Variants in MYT1L observed in about 807,000 individuals in gnomAD.
MYT1L encodes myelin transcription factor 1 like.
Under a neutral mutation model 126.7 loss-of-function variants are expected in MYT1L, and 12 were observed. That is an observed-to-expected ratio of 0.09 (90% CI 0.06 to 0.15). The LOEUF (loss-of-function observed/expected upper bound fraction) is 0.15. Ranked by LOEUF, MYT1L falls within the 10% of genes least tolerant of loss-of-function variation. The pLI, the probability that MYT1L is intolerant of heterozygous loss-of-function variation, is 1.00. For synonymous variants in MYT1L, 541 were observed against 604.2 expected (o/e 0.90, Z 1.53); for missense variants, 979 against 1,585.2 (o/e 0.62, Z 6.49).
chr2:2,311,401 A>G (rs2095968400), intron 1 of MYT1L, among the ~76,000 whole-genome samples: 1 of 152,206 alleles, frequency 6.6e-6, no homozygotes, highest in African/African-American at 2.4e-5. Flanking sequence ...AACATTCTCC[A>G]GTTCTCCTTA....
At chr2:2,146,419 G>A (rs1305047328) in intron 3 of MYT1L, among the ~76,000 whole-genome samples, 1 of 152,186 alleles carries the variant, frequency 6.6e-6, no homozygotes, top group African/African-American at 2.4e-5. Context: ...AGAAGTGAGT[G>A]TGGGTGGTAA....
At chr2:2,011,961 G>A (rs991200853) in intron 4 of MYT1L, among the ~76,000 whole-genome samples, 1 of 152,184 alleles carries the variant, frequency 6.6e-6, no homozygotes, top group African/African-American at 2.4e-5. Context: ...AAGGGAATCA[G>A]AACATGCCTA....
intron 15 of MYT1L, among the ~76,000 whole-genome samples, chr2:1,891,800 A>G (rs1288109861): frequency 6.6e-6 from 1 of 152,340 alleles, no homozygotes; most frequent in Non-Finnish European, 1.5e-5. Flanking sequence ...ACGCACGTTC[A>G]TCTACAAGAT....
At chr2:2,065,292 T>A (rs2071083727) in intron 3 of MYT1L, among the ~76,000 whole-genome samples, 1 of 152,110 alleles carries the variant, frequency 6.6e-6, no homozygotes. Context: ...AATCAAAGAT[T>A]AAAAAAATTT....
intron 8 of MYT1L, among the ~76,000 whole-genome samples, chr2:1,963,873 G>T (rs1409663408): frequency 6.6e-6 from 1 of 152,142 alleles, no homozygotes; most frequent in Non-Finnish European, 1.5e-5. Context: ...TCAGCAATAG[G>T]CTCTCTCACT....
intron 8 of MYT1L, among the ~76,000 whole-genome samples, chr2:1,976,455 A>T (rs1167552302): frequency 6.6e-6 from 1 of 152,176 alleles, no homozygotes; most frequent in Non-Finnish European, 1.5e-5. Context: ...CAGCCTGGCC[A>T]ATGTGGTGAA....
intron 3 of MYT1L, among the ~76,000 whole-genome samples, chr2:2,123,669 A>G (rs954416779): frequency 2.6e-5 from 4 of 152,146 alleles, no homozygotes; most frequent in African/African-American, 9.7e-5. Flanking sequence ...TGCTTCCTGT[A>G]CAGCCTGTGG....
In MYT1L at chr2:1,942,975, A is replaced by G; in HGVS notation, c.505+7T>C. 6.6e-7 allele frequency: 1 copy of G among 1,523,086 alleles called. No homozygotes were observed. The highest frequency in any genetic ancestry group is 8.8e-7 in the Non-Finnish European group (1 of 1,132,052). 94.3% of individuals were successfully genotyped at this position (1,523,086 alleles called of 1,614,324 possible). A position where few individuals can be genotyped will look rare whatever the true frequency, so the allele number is the denominator to read the frequency against. On this transcript the variant is annotated splice_region_variant and intron_variant, in intron 9 of 24. Transcript: ENST00000647738. ...ACTTGTTACTTTGCTAATATTTTAAAGATTACCGTTTTCTTCTTCCTCTTC... is the reference window on the plus strand; with the variant it reads ...ACTTGTTACTTTGCTAATATTTTAAGGATTACCGTTTTCTTCTTCCTCTTC...
intron 2 of MYT1L, among the ~76,000 whole-genome samples, chr2:2,231,573 G>A (rs964637708): frequency 4.6e-5 from 7 of 151,360 alleles, no homozygotes; most frequent in African/African-American, 1.2e-4. Flanking sequence ...TCAGCCTCCC[G>A]AGTAGCTGGC....
chr2:1,880,455 A>C lies in MYT1L; in HGVS notation c.2711+6084T>G, dbSNP rs545696641. Among the ~76,000 whole-genome samples the C allele has an allele frequency of 2.0e-4, 31 of 152,296 alleles. No individual in the cohort carries two copies. The South Asian group carries it at 6.4e-3, about 32-fold the overall frequency. On this transcript the variant is annotated intron_variant, in intron 18 of 24. Transcript: ENST00000647738. ...CGGGTTCCAGTGATTCTTGTGCCTC[A>C]GCCTCCTGAGTAGCTAGAACACTTT...
At chr2:1,920,329 G>A (rs899307767) in intron 10 of MYT1L, among the ~76,000 whole-genome samples, 5 of 152,090 alleles carry the variant, frequency 3.3e-5, no homozygotes, top group African/African-American at 1.2e-4. Context: ...AAAACAAAAC[G>A]AGTCAAAATT....
intron 1 of MYT1L, among the ~76,000 whole-genome samples, chr2:2,287,312 C>T (rs1331660225): frequency 2.6e-5 from 4 of 151,886 alleles, no homozygotes; most frequent in Non-Finnish European, 4.4e-5. Flanking sequence ...AAGGAGCTTA[C>T]AAGACTTTAG....
At chr2:2,184,932 T>C (rs1300899888) in intron 2 of MYT1L, among the ~76,000 whole-genome samples, 2 of 152,218 alleles carry the variant, frequency 1.3e-5, no homozygotes, top group African/African-American at 4.8e-5. Flanking sequence ...CCATGAGTAG[T>C]TGCATTGCTT....
intron 3 of MYT1L, among the ~76,000 whole-genome samples, chr2:2,126,738 A>C (rs2081751393): frequency 6.6e-6 from 1 of 152,238 alleles, no homozygotes; most frequent in Admixed American, 6.5e-5. Flanking sequence ...GCTGCCACAG[A>C]AGTGCCCCAA....
chr2:1,877,882 C>T (rs961168542), intron 18 of MYT1L, among the ~76,000 whole-genome samples: 5 of 152,162 alleles, frequency 3.3e-5, no homozygotes, highest in Admixed American at 1.3e-4. Flanking sequence ...GGTCCCCCTC[C>T]GTGGACTAAG....
intron 2 of MYT1L, among the ~76,000 whole-genome samples, chr2:2,280,567 C>A (rs1024794802): frequency 6.6e-6 from 1 of 152,204 alleles, no homozygotes; most frequent in Non-Finnish European, 1.5e-5. Flanking sequence ...TGCCTCAGGT[C>A]TCTCCTGCTG....
chr2:2,168,916 A>C (rs902679421), intron 3 of MYT1L, among the ~76,000 whole-genome samples: 1 of 152,228 alleles, frequency 6.6e-6, no homozygotes, highest in Admixed American at 6.5e-5. Context: ...GGGAGCTGCT[A>C]TCTGAAGGGG....
intron 23 of MYT1L, among the ~76,000 whole-genome samples, chr2:1,795,973 T>C (rs964051338): frequency 1.3e-5 from 2 of 152,184 alleles, no homozygotes; most frequent in Non-Finnish European, 2.9e-5. Flanking sequence ...AAATCTAGCC[T>C]GGGGCCTGAC....
At chr2:2,233,739 A>T (rs2094216106) in intron 2 of MYT1L, among the ~76,000 whole-genome samples, 1 of 152,194 alleles carries the variant, frequency 6.6e-6, no homozygotes, top group East Asian at 1.9e-4. Context: ...GAGGGTCAGC[A>T]ATCCATTTTA....
Sources: allele counts gnomAD v4.1 joint callset (sites outside exome capture counted in the v4.1 genomes callset), GRCh38; gene constraint gnomAD v4.1.1; transcripts MANE v1.5; gene names NCBI Gene and HGNC (gene_info 2026-07-23, HGNC 2026-07-21).